The following ZNF10 variants were observed in gnomAD, a reference collection of about 807,000 sequenced individuals.
The protein encoded by ZNF10 is zinc finger protein 10.
Under a neutral mutation model 12.2 loss-of-function variants are expected in ZNF10, and 8 were observed. The ratio of observed to expected loss-of-function variants is 0.66; its 90% confidence interval spans 0.39 to 1.18. The LOEUF is 1.18. Among genes scored for constraint, ZNF10 ranks in the 50% most tolerant of loss-of-function variants. ZNF10 has a pLI of 0.01. For synonymous variants in ZNF10, 229 were observed against 228.2 expected (o/e 1.00, Z -0.03); for missense variants, 603 against 678.9 (o/e 0.89, Z 1.24).
In ZNF10 at chr12:133,155,772, C is replaced by T. The variant is rs771491576; in HGVS notation, c.526C>T (p.Pro176Ser). ...TAAATATGGGGGAAACTGTCTTCTT[C>T]CTGCTCAGCTAGTACTGAGAGAGTA... The part of the protein sequence containing the change: ...SGKYGGNCLL[P>S]AQLVLREYFH... Residue 176 changes from proline to serine, a missense_variant, in exon 5 of 5, where the codon CCT (proline) becomes TCT (serine). Around this residue, in one of 3 missense-constraint regions of ZNF10, gnomAD observed 393 missense variants for 399.7 expected, o/e 0.98. Transcript: ENST00000248211. The T allele has an allele frequency of 5.0e-6, 8 of 1,613,462 alleles. No homozygotes were observed. Among genetic ancestry groups the T allele is most frequent in the Non-Finnish European group, 6.8e-6 (8 of 1,179,808 alleles).
At chr12:133,130,789 C>T (rs1955869660) in intron 1 of ZNF10, 35 bp downstream of exon 1, 1 of 152,262 alleles carries the variant, frequency 6.6e-6, no homozygotes, top group Admixed American at 6.5e-5. Context: ...GTGTTTGCAT[C>T]GTCATCAGGC....
intron 1 of ZNF10, among the ~76,000 whole-genome samples, chr12:133,138,344 C>T (rs1955924485): frequency 6.8e-6 from 1 of 147,106 alleles, no homozygotes; most frequent in African/African-American, 2.5e-5. Context: ...TAATGAGATC[C>T]TATTGAAAAT....
chr12:133,144,699 T>C (rs1042366638), intron 2 of ZNF10, among the ~76,000 whole-genome samples, 174 bp downstream of exon 2: 2 of 152,176 alleles, frequency 1.3e-5, no homozygotes, highest in African/African-American at 4.8e-5. Context: ...GGTCTTTCCC[T>C]CTCTTCTTTT....
intron 2 of ZNF10, among the ~76,000 whole-genome samples, chr12:133,147,049 A>G (rs1289830878): frequency 2.0e-5 from 3 of 152,194 alleles, no homozygotes; most frequent in Non-Finnish European, 4.4e-5. Context: ...AGCATAATGT[A>G]TCGGAGGTTC....
At chr12:133,132,599 A>G (rs1955887352) in intron 1 of ZNF10, among the ~76,000 whole-genome samples, 1 of 152,198 alleles carries the variant, frequency 6.6e-6, no homozygotes, top group African/African-American at 2.4e-5. Flanking sequence ...TTTTACTTTC[A>G]TCAGCAGTAC....
At chr12:133,154,773 A>T (rs924374711) in intron 4 of ZNF10, among the ~76,000 whole-genome samples, 1 of 152,162 alleles carries the variant, frequency 6.6e-6, no homozygotes, top group Non-Finnish European at 1.5e-5. Context: ...GGCTGCATTC[A>T]TGGTTTAAGA....
In ZNF10 at chr12:133,156,324, C is replaced by T; in HGVS notation, c.1078C>T (p.His360Tyr). 2 of 1,614,124 alleles carry T rather than the reference C, an allele frequency of 1.2e-6. No individual in the cohort carries two copies. Among genetic ancestry groups the T allele is most frequent in the Non-Finnish European group, 1.7e-6 (2 of 1,180,008 alleles). ...TAATCAGTGTGGGAAATCTTTTGTT[C>T]ATAGCTCTAGGCTTATTAGACACCA... Reference protein sequence around the residue: ...TCNQCGKSFVHSSRLIRHQRT... With the variant: ...TCNQCGKSFVYSSRLIRHQRT... The change falls in exon 5 of 5, where the codon CAT becomes TAT. Residue 360 changes from histidine to tyrosine, a missense_variant. Physicochemically the swap from His to Tyr is moderately conservative, Grantham distance 83. This residue lies in a region of ZNF10 where 204 missense variants were observed against 262.8 expected (regional missense o/e 0.78). Coordinates refer to ENST00000248211, the MANE Select transcript of ZNF10 (RefSeq NM_015394.5).
intron 2 of ZNF10, among the ~76,000 whole-genome samples, chr12:133,145,164 T>C (rs1242905302): frequency 6.6e-6 from 1 of 152,164 alleles, no homozygotes; most frequent in Non-Finnish European, 1.5e-5. Flanking sequence ...AGGTGTGAGC[T>C]ACCCCGCCCG....
intron 1 of ZNF10, among the ~76,000 whole-genome samples, chr12:133,140,449 A>AT (rs1955938788): frequency 6.7e-6 from 1 of 148,500 alleles, no homozygotes. Flanking sequence ...TTTTTTTTAA[A>AT]TAAGTCTTAC....
intron 1 of ZNF10, among the ~76,000 whole-genome samples, chr12:133,141,039 T>C (rs1955941748): frequency 6.6e-6 from 1 of 152,176 alleles, no homozygotes; most frequent in South Asian, 2.1e-4. Context: ...GAGAAGAGTA[T>C]ATCTATTCCC....
intron 2 of ZNF10, among the ~76,000 whole-genome samples, chr12:133,148,303 T>C (rs1955987495): frequency 6.6e-6 from 1 of 152,092 alleles, no homozygotes; most frequent in Non-Finnish European, 1.5e-5. Flanking sequence ...GTATATTTAG[T>C]AGAAACGGCA....
chr12:133,132,268 A>AG (rs1396860241), intron 1 of ZNF10, among the ~76,000 whole-genome samples: 5 of 109,082 alleles, frequency 4.6e-5, no homozygotes, highest in Non-Finnish European at 9.8e-5. Flanking sequence ...AAAATCTGAG[A>AG]ATTTTTTTTT....
intron 2 of ZNF10, among the ~76,000 whole-genome samples, chr12:133,148,394 T>A (rs1252299318): frequency 6.6e-6 from 1 of 152,238 alleles, no homozygotes; most frequent in Non-Finnish European, 1.5e-5. Context: ...GTGCTGGGAT[T>A]ACAGGCGTGA....
intron 2 of ZNF10, among the ~76,000 whole-genome samples, chr12:133,150,619 ATTATT>A (rs1227985018): frequency 6.6e-6 from 1 of 151,756 alleles, no homozygotes; most frequent in Non-Finnish European, 1.5e-5. Flanking sequence ...GTTTTGGATA[ATTATT>A]TTAGGTTATA....
chr12:133,142,862 C>T (rs1955954377), intron 1 of ZNF10, among the ~76,000 whole-genome samples: 1 of 152,038 alleles, frequency 6.6e-6, no homozygotes, highest in South Asian at 2.1e-4. Context: ...CCAAGGGAAT[C>T]GAATGTAGGA....
In ZNF10 at chr12:133,155,985, C is replaced by G. The variant is rs183828206; in HGVS notation, c.739C>G (p.Leu247Val). 2 of 1,614,002 alleles carry G rather than the reference C, an allele frequency of 1.2e-6. No individual in the cohort carries two copies. Among genetic ancestry groups the G allele is most frequent in the Non-Finnish European group, 1.7e-6 (2 of 1,180,022 alleles). Reference sequence around the variant, plus strand: ...CAAATGCCCTGATAATGACAACTCTCTTACTCATGGTTCATCTCTTGGTAT... The same window carrying G: ...CAAATGCCCTGATAATGACAACTCTGTTACTCATGGTTCATCTCTTGGTAT... ...SYKCPDNDNS[L>V]THGSSLGISK... The change falls in exon 5 of 5, where the codon CTT (leucine) becomes GTT (valine). Residue 247 changes from leucine to valine, a missense_variant. Physicochemically the swap from Leu to Val is conservative, Grantham distance 32. This residue lies in a region of ZNF10 where 393 missense variants were observed against 399.7 expected (regional missense o/e 0.98). Coordinates refer to ENST00000248211, the MANE Select transcript of ZNF10 (RefSeq NM_015394.5).
intron 1 of ZNF10, among the ~76,000 whole-genome samples, chr12:133,136,801 C>T (rs888843427): frequency 1.3e-5 from 2 of 152,048 alleles, no homozygotes; most frequent in Non-Finnish European, 2.9e-5. Context: ...GACAAAAGAC[C>T]ATCCTCCTCC....
chr12:133,134,068 G>C (rs960223353), intron 1 of ZNF10, among the ~76,000 whole-genome samples: 7 of 151,740 alleles, frequency 4.6e-5, no homozygotes, highest in African/African-American at 1.7e-4. Context: ...GGAGGCCAAG[G>C]TGGGGAGATC....
At chr12:133,138,195 A>ACT (rs1955923946) in intron 1 of ZNF10, among the ~76,000 whole-genome samples, 1 of 152,158 alleles carries the variant, frequency 6.6e-6, no homozygotes, top group Non-Finnish European at 1.5e-5. Context: ...GGTTTGAGTG[A>ACT]GTTATCTAGT....
Sources: gnomAD v4.1 joint callset for allele counts (sites outside exome capture counted in the v4.1 genomes callset) on GRCh38, gnomAD v4.1.1 for gene constraint, gnomAD v4.1.1 regional missense constraint, MANE v1.5 for transcripts, NCBI Gene and HGNC (gene_info 2026-07-23, HGNC 2026-07-21) for gene names.